The following PKHD1 variants were observed in gnomAD, a reference collection of about 807,000 sequenced individuals.
PKHD1 encodes the protein fibrocystin.
In PKHD1, 291 loss-of-function variants were observed where a neutral mutation model predicts 412.0. The ratio of observed to expected loss-of-function variants is 0.71; its 90% confidence interval spans 0.64 to 0.78. PKHD1 has a LOEUF of 0.78. PKHD1 is among the 30% of genes least tolerant of loss of function. PKHD1 has a pLI of 0.00. For synonymous variants in PKHD1, 1,777 were observed against 1,821.5 expected (o/e 0.98, Z 0.62); for missense variants, 4,825 against 4,950.7 (o/e 0.97, Z 0.76).
At chr6:51,707,807 T>C (rs896379387) in intron 60 of PKHD1, among the ~76,000 whole-genome samples, 8 of 152,196 alleles carry the variant, frequency 5.3e-5, no homozygotes, top group African/African-American at 1.9e-4. Flanking sequence ...TTTGATACTG[T>C]ATCATCCCAC....
chr6:52,068,048 G>T (rs1810018657), intron 11 of PKHD1, among the ~76,000 whole-genome samples: 1 of 152,108 alleles, frequency 6.6e-6, no homozygotes, highest in Non-Finnish European at 1.5e-5. Flanking sequence ...GCAGAAATTG[G>T]TGATTGAACA....
intron 60 of PKHD1, among the ~76,000 whole-genome samples, chr6:51,706,224 C>G (rs2150733592): frequency 6.6e-6 from 1 of 152,202 alleles, no homozygotes; most frequent in East Asian, 1.9e-4. Context: ...GTCTCCATCC[C>G]AATTTCTTTC....
At chr6:51,710,535 A>G (rs962362799) in intron 60 of PKHD1, among the ~76,000 whole-genome samples, 2 of 152,100 alleles carry the variant, frequency 1.3e-5, no homozygotes, top group Admixed American at 6.5e-5. Context: ...TAGCTATCCA[A>G]TGGAAGATAT....
intron 48 of PKHD1, among the ~76,000 whole-genome samples, chr6:51,858,929 C>T (rs1254273558): frequency 1.3e-5 from 2 of 152,132 alleles, no homozygotes; most frequent in African/African-American, 4.8e-5. Context: ...GAGCTTGATA[C>T]AATCAACCCC....
At chr6:51,973,857 A>G (rs377057376) in intron 35 of PKHD1, among the ~76,000 whole-genome samples, 1 of 152,200 alleles carries the variant, frequency 6.6e-6, no homozygotes, top group Admixed American at 6.5e-5. Flanking sequence ...GCTCCCAAGA[A>G]GCCTCTGTGT....
At chr6:51,777,871 C>T (rs867479626) in intron 53 of PKHD1, among the ~76,000 whole-genome samples, 6 of 151,954 alleles carry the variant, frequency 3.9e-5, no homozygotes, top group South Asian at 2.1e-4. Flanking sequence ...GTGGAGCTTT[C>T]GCAGAAAGTC....
chr6:51,914,681 T>C (rs1402580791), intron 37 of PKHD1, among the ~76,000 whole-genome samples: 1 of 152,086 alleles, frequency 6.6e-6, no homozygotes, highest in East Asian at 1.9e-4. Context: ...AAGTCTCAAA[T>C]TTGCTGCTTG....
rs368588369 is a variant in PKHD1 at position 51,747,920 on chromosome 6, A to G, written c.9696T>C (p.Ala3232=). 1.3e-5 allele frequency: 21 copies of G among 1,613,876 alleles called. No individual in the cohort carries two copies. Among genetic ancestry groups the G allele is most frequent in the East Asian group, 2.2e-5 (1 of 44,868 alleles). The change falls in exon 58 of 67, where the codon GCT becomes GCC. Residue 3232 remains alanine (A), a synonymous_variant. Transcript: ENST00000371117. ...TTCGACCTCCTCTTGGATTGGAGGGAGCTCTATCTGTTGATGTCAAGTTGG... is the reference window on the plus strand; with the variant it reads ...TTCGACCTCCTCTTGGATTGGAGGGGGCTCTATCTGTTGATGTCAAGTTGG... ...HSANLTSTDR[A]PSNPRGGRIG...
intron 61 of PKHD1, among the ~76,000 whole-genome samples, chr6:51,658,648 A>G (rs1772288092): frequency 6.6e-6 from 1 of 152,120 alleles, no homozygotes; most frequent in African/African-American, 2.4e-5. Context: ...TAAATAAACA[A>G]TCAAATGAAC....
At chr6:51,915,282 C>T (rs1481775888) in intron 37 of PKHD1, among the ~76,000 whole-genome samples, 1 of 152,106 alleles carries the variant, frequency 6.6e-6, no homozygotes, top group African/African-American at 2.4e-5. Context: ...AGAACTTAAT[C>T]CTGAGAGAAG....
At chr6:51,750,335 C>A (rs985321532) in intron 57 of PKHD1, among the ~76,000 whole-genome samples, 7 of 152,176 alleles carry the variant, frequency 4.6e-5, no homozygotes, top group Non-Finnish European at 8.8e-5. Context: ...GCTGGCAAAC[C>A]TGCTTCGTAG....
At chr6:51,816,395 A>G (rs1307347168) in intron 52 of PKHD1, among the ~76,000 whole-genome samples, 1 of 152,202 alleles carries the variant, frequency 6.6e-6, no homozygotes, top group African/African-American at 2.4e-5. Context: ...CATTAAACCA[A>G]ATCAACTAAA....
intron 66 of PKHD1, chr6:51,622,514 A>G (rs2150254780): frequency 6.6e-6 from 1 of 152,328 alleles, no homozygotes; most frequent in East Asian, 1.9e-4. Context: ...ATAATGGGCA[A>G]TAGTCCTGCC....
chr6:52,059,925 T>C lies in PKHD1; in HGVS notation c.1233+3A>G. On this transcript the variant is annotated splice_donor_region_variant and intron_variant, in intron 15 of 66. Transcript: ENST00000371117. ...AAAAGGAAAATGAGAAGACAGTGAA[T>C]ACCTTAGTCCTTGGTTCCTCTGACC... 2 of 1,340,672 alleles carry C rather than the reference T, an allele frequency of 1.5e-6. No homozygotes were observed. Among genetic ancestry groups the C allele is most frequent in the East Asian group, 2.3e-5 (1 of 43,606 alleles). 83.0% of individuals were successfully genotyped at this position (1,340,672 alleles called of 1,614,324 possible). A position where few individuals can be genotyped will look rare whatever the true frequency, so the allele number is the denominator to read the frequency against.
At chr6:51,667,627 A>G (rs1774062401) in intron 60 of PKHD1, among the ~76,000 whole-genome samples, 2 of 151,710 alleles carry the variant, frequency 1.3e-5, no homozygotes, top group Non-Finnish European at 2.9e-5. Flanking sequence ...GCCCATGCCT[A>G]TGTCCTGAAT....
At chr6:51,993,806 GA>G (rs1317218008) in intron 35 of PKHD1, among the ~76,000 whole-genome samples, 1 of 152,190 alleles carries the variant, frequency 6.6e-6, no homozygotes, top group Non-Finnish European at 1.5e-5. Context: ...GACTGGAGAA[GA>G]AAACTTCCTT....
intron 40 of PKHD1, among the ~76,000 whole-genome samples, chr6:51,908,203 T>A (rs1374107026): frequency 6.6e-6 from 1 of 152,088 alleles, no homozygotes; most frequent in Non-Finnish European, 1.5e-5. Flanking sequence ...TTAAAAAGAT[T>A]GGAAAAATTA....
intron 54 of PKHD1, among the ~76,000 whole-genome samples, chr6:51,773,216 T>C (rs1249578655): frequency 6.6e-6 from 1 of 152,034 alleles, no homozygotes; most frequent in African/African-American, 2.4e-5. Flanking sequence ...GATAGAGTTT[T>C]GGAGCTATTA....
At chr6:52,019,773 AT>A (rs1801133692) in intron 33 of PKHD1, among the ~76,000 whole-genome samples, 1 of 152,250 alleles carries the variant, frequency 6.6e-6, no homozygotes. Context: ...GATTTTGCTC[AT>A]TTTAAACAAA....
Sources: allele counts gnomAD v4.1 joint callset (sites outside exome capture counted in the v4.1 genomes callset), GRCh38; gene constraint gnomAD v4.1.1; transcripts MANE v1.5; gene names NCBI Gene and HGNC (gene_info 2026-07-23, HGNC 2026-07-21).